BABAM1: variants seen among roughly 807,000 people sequenced by gnomAD.
BABAM1 encodes the protein BRISC and BRCA1 A complex member 1.
Under a neutral mutation model 34.4 loss-of-function variants are expected in BABAM1, and 14 were observed. The ratio of observed to expected loss-of-function variants is 0.41; its 90% confidence interval spans 0.27 to 0.64. The LOEUF (loss-of-function observed/expected upper bound fraction) is 0.64. Ranked by LOEUF, BABAM1 falls within the 30% of genes least tolerant of loss-of-function variation. The pLI, the probability that BABAM1 is intolerant of heterozygous loss-of-function variation, is 0.34. For missense variants in BABAM1, 393 were observed against 434.0 expected, an observed-to-expected ratio of 0.91 and a Z score of 0.84; for synonymous variants, 169 against 165.8, an observed-to-expected ratio of 1.02 and a Z score of -0.15.
At chr19:17,270,284 G>C (rs1206275888) in intron 2 of BABAM1, among the ~76,000 whole-genome samples, 2 of 152,034 alleles carry the variant, frequency 1.3e-5, no homozygotes, top group Non-Finnish European at 2.9e-5. Flanking sequence ...TCCTGACCTT[G>C]TGTTCCACCC....
intron 2 of BABAM1, among the ~76,000 whole-genome samples, chr19:17,270,391 T>A (rs912603109): frequency 9.9e-5 from 15 of 152,090 alleles, no homozygotes; most frequent in Non-Finnish European, 1.9e-4. Flanking sequence ...TCATAAAGCC[T>A]TTCTCACTGT....
At chr19:17,272,258 T>G (rs889067135) in intron 3 of BABAM1, among the ~76,000 whole-genome samples, 2 of 151,756 alleles carry the variant, frequency 1.3e-5, no homozygotes, top group Admixed American at 6.6e-5. Context: ...TTTAAAAAAT[T>G]AGCGAGCATG....
At chr19:17,270,984 C>G (rs2073834327) in intron 2 of BABAM1, among the ~76,000 whole-genome samples, 1 of 150,832 alleles carries the variant, frequency 6.6e-6, no homozygotes, top group African/African-American at 2.4e-5. Context: ...GCCACCACGC[C>G]TGGCCTCTTT....
rs962555073 is a variant in BABAM1 at position 17,268,628 on chromosome 19, C to T, written c.-13-166C>T. On this transcript the variant is annotated intron_variant, in intron 1 of 8. Coordinates refer to ENST00000598188, the MANE Select transcript of BABAM1 (RefSeq NM_014173.4). ...ATTTTTAGTTGAGACGGGGTTTCTC[C>T]ATGTTGGTCAGGCTGGTCTCGAACT... 17 of 651,274 alleles carry T rather than the reference C, an allele frequency of 2.6e-5. No homozygotes were observed. The East Asian group carries it at 3.0e-4, about 12-fold the overall frequency. 40.3% of individuals were successfully genotyped at this position (651,274 alleles called of 1,614,324 possible). A position where few individuals can be genotyped will look rare whatever the true frequency, so the allele number is the denominator to read the frequency against.
chr19:17,268,848 G>GGAGGAA lies in BABAM1; in HGVS notation c.48_53dup (p.Glu17_Glu18dup). 6.2e-7 allele frequency: 1 copy of GGAGGAA among 1,610,264 alleles called. No individual in the cohort carries two copies. The highest frequency in any genetic ancestry group is 8.5e-7 in the Non-Finnish European group (1 of 1,178,504). On this transcript the variant is annotated inframe_insertion, in exon 2 of 9. Coordinates refer to ENST00000598188, the MANE Select transcript of BABAM1 (RefSeq NM_014173.4). ...CCAGCAGCCCCACTGAAGAGGAGGA[G>GGAGGAA]GAGGAAGAGGAGCACTCGGCAGAGC...
In BABAM1 at chr19:17,274,129, C is replaced by T; in HGVS notation, c.488C>T (p.Pro163Leu). ...TAWLSGLTSD[P>L]RELCSCLYDL... Reference sequence around the variant, plus strand: ...CAGCTGTCTGGCCTGACCTCCGACCCCCGCGAGCTCTGTAGCTGCCTCTAT... The same window carrying T: ...CAGCTGTCTGGCCTGACCTCCGACCTCCGCGAGCTCTGTAGCTGCCTCTAT... The change falls in exon 5 of 9, where the codon CCC (proline) becomes CTC (leucine). Residue 163 changes from proline (P) to leucine (L), a missense_variant. By Grantham distance (98) the Pro-to-Leu change is moderately conservative (BLOSUM62 -3). Transcript: ENST00000598188. 6.2e-7 allele frequency: 1 copy of T among 1,613,696 alleles called. No homozygotes were observed. Among genetic ancestry groups the T allele is most frequent in the Non-Finnish European group, 8.5e-7 (1 of 1,179,882 alleles).
intron 3 of BABAM1, among the ~76,000 whole-genome samples, chr19:17,272,349 G>A (rs1293771092): frequency 6.6e-6 from 1 of 152,086 alleles, no homozygotes; most frequent in African/African-American, 2.4e-5. Flanking sequence ...AGGCTGCAGT[G>A]AGCTATGATT....
intron 3 of BABAM1, among the ~76,000 whole-genome samples, chr19:17,272,848 C>A (rs978425689): frequency 6.6e-6 from 1 of 152,084 alleles, no homozygotes; most frequent in Non-Finnish European, 1.5e-5. Context: ...GAAACCCCCA[C>A]CTCCACTAAA....
rs756537152 is a variant in BABAM1, at chr19:17,268,744, T to C, written c.-13-50T>C. ...GTGCCCGACCGTAACCAAATGTTTT[T>C]AAAACTCCAAGGGGAGGATTCTGGC... On this transcript the variant is annotated intron_variant, in intron 1 of 8. Transcript: ENST00000598188. 4.0e-6 allele frequency: 6 copies of C among 1,496,874 alleles called. No homozygotes were observed. In the Admixed American group the frequency reaches 1.4e-4, roughly 34 times the overall value. The allele number at this position is 1,496,874 out of a possible 1,614,324, so 92.7% of individuals were successfully genotyped here.
At position 17,276,921 on chromosome 19, in the gene BABAM1, C is replaced by T. The variant is rs144076883; in HGVS notation, c.786+12C>T. On this transcript the variant is annotated intron_variant, in intron 8 of 8. Transcript: ENST00000598188. ...AGATGAGTTGGAAGGTGAGAGGCTG[C>T]AGCAGGTGTGAGTAGCAGGCGGGTG... The T allele has an allele frequency of 1.7e-4, 272 of 1,585,468 alleles. 2 individuals are homozygous for T. The East Asian group carries it at 2.8e-3, about 16-fold the overall frequency.
Position 17,279,298 on chromosome 19 carries a change from G to T in BABAM1, c.*250G>T. ...ATGGATAATTTTTGTTCTTCCCTGTGTGATTTTTGCCATCAAAATAAAAAT... is the reference window on the plus strand; with the variant it reads ...ATGGATAATTTTTGTTCTTCCCTGTTTGATTTTTGCCATCAAAATAAAAAT... On this transcript the variant is annotated 3_prime_UTR_variant, in exon 9 of 9. Transcript: ENST00000598188. 1 of 433,056 alleles carries T rather than the reference G, an allele frequency of 2.3e-6. No individual in the cohort carries two copies. Among genetic ancestry groups the T allele is most frequent in the South Asian group, 4.7e-5 (1 of 21,222 alleles). The allele number at this position is 433,056 out of a possible 1,614,324, so 26.8% of individuals were successfully genotyped here. A position where few individuals can be genotyped will look rare whatever the true frequency, so the allele number is the denominator to read the frequency against.
At chr19:17,273,637 C>T (rs1462384066) in intron 3 of BABAM1, among the ~76,000 whole-genome samples, 1 of 145,906 alleles carries the variant, frequency 6.9e-6, no homozygotes, top group Non-Finnish European at 1.5e-5. Context: ...GATCTCAGCT[C>T]ACTGCAACCT....
chr19:17,268,656 C>T (rs1445717944), intron 1 of BABAM1, 138 bp from the exon 2 acceptor site: 4 of 940,026 alleles, frequency 4.3e-6, no homozygotes, highest in Non-Finnish European at 6.1e-6. Flanking sequence ...CTCGAACTTC[C>T]AACCTCAGGT....
chr19:17,273,085 T>A (rs1447795428), intron 3 of BABAM1, among the ~76,000 whole-genome samples: 1 of 152,168 alleles, frequency 6.6e-6, no homozygotes. Context: ...CTATGGCCCA[T>A]TGAGGCTCCA....
chr19:17,271,519 C>A, intron 2 of BABAM1, 78 bp from the exon 3 acceptor site: 1 of 1,504,422 alleles, frequency 6.6e-7, no homozygotes, highest in Non-Finnish European at 9.1e-7. Flanking sequence ...GACAAGGCAG[C>A]TTGAAGAGGG....
chr19:17,267,781 T>G (rs1188472556), intron 1 of BABAM1, among the ~76,000 whole-genome samples: 1 of 152,192 alleles, frequency 6.6e-6, no homozygotes, highest in Non-Finnish European at 1.5e-5. Context: ...GCGTCCTGTT[T>G]CTCTCCAAGG....
chr19:17,273,709 C>T (rs1325974921), intron 3 of BABAM1, among the ~76,000 whole-genome samples, 195 bp from the exon 4 acceptor site: 1 of 151,776 alleles, frequency 6.6e-6, no homozygotes. Flanking sequence ...ATTACAGGCA[C>T]TCGCCACCAC....
intron 6 of BABAM1, 200 bp from the exon 7 acceptor site, chr19:17,276,295 A>G (rs1020908496): frequency 5.5e-6 from 4 of 721,938 alleles, no homozygotes; most frequent in South Asian, 3.6e-5. Flanking sequence ...AGATCTCACC[A>G]TTGCACTTAG....
At chr19:17,273,555 GTTTGTTTTGTTTTTT>G in intron 3 of BABAM1, among the ~76,000 whole-genome samples, 1 of 13,228 alleles carries the variant, frequency 7.6e-5, no homozygotes, top group Non-Finnish European at 2.4e-4. Flanking sequence ...GTTTTTTTTT[GTTTGTTTTGTTTTTT>G]TTTTTTTTTT....
Sources: allele counts gnomAD v4.1 joint callset (sites outside exome capture counted in the v4.1 genomes callset), GRCh38; gene constraint gnomAD v4.1.1; transcripts MANE v1.5; gene names NCBI Gene and HGNC (gene_info 2026-07-23, HGNC 2026-07-21).